Variants in EVI5 observed in about 807,000 individuals in gnomAD.
The protein encoded by EVI5 is ecotropic viral integration site 5 protein homolog.
EVI5 carries 73 observed loss-of-function variants against 112.0 expected under a neutral mutation model. The ratio of observed to expected loss-of-function variants is 0.65; its 90% CI spans 0.54 to 0.79. EVI5 has a LOEUF of 0.79. Ranked by LOEUF, EVI5 falls within the 30% of genes least tolerant of loss-of-function variation. The probability of loss-of-function intolerance (pLI) is 0.00; values close to 1 mark genes in which losing one functional copy is unlikely to be tolerated. For synonymous variants in EVI5, 305 were observed against 319.9 expected, an observed-to-expected ratio of 0.95 and a Z score of 0.50; for missense variants, 900 against 968.8, an observed-to-expected ratio of 0.93 and a Z score of 0.94.
chr1:92,630,385 T>C (rs934992025), intron 14 of EVI5, among the ~76,000 whole-genome samples: 5 of 152,342 alleles, frequency 3.3e-5, no homozygotes, highest in South Asian at 2.1e-4. Context: ...TGGTATCTCA[T>C]TGTGGTTTTG....
At position 92,512,554 on chromosome 1, in the gene EVI5, A is replaced by G. The variant is rs1445131271; in HGVS notation, c.*1102T>C. 6.6e-6 allele frequency: 1 copy of G among 152,220 alleles called. No homozygotes were observed. The highest frequency in any genetic ancestry group is 1.9e-4 in the East Asian group (1 of 5,200). 9.4% of individuals were successfully genotyped at this position (152,220 alleles called of 1,614,324 possible). A position where few individuals can be genotyped will look rare whatever the true frequency, so the allele number is the denominator to read the frequency against. On this transcript the variant is annotated 3_prime_UTR_variant, in exon 20 of 20. Coordinates refer to ENST00000684568, the MANE Select transcript of EVI5 (RefSeq NM_001350197.2). ...ATGCTGAAAGCAGTCATTTTGCAAC[A>G]TGTATGTTCTTCATATAAAATGATG...
Position 92,677,238 on chromosome 1 carries a change from G to A in EVI5, c.1098-20C>T, listed in dbSNP as rs1666903832. 2 of 1,350,914 alleles carry A rather than the reference G, an allele frequency of 1.5e-6. No homozygotes were observed. Among genetic ancestry groups the A allele is most frequent in the East Asian group, 2.3e-5 (1 of 42,916 alleles). The allele number at this position is 1,350,914 out of a possible 1,614,324, so 83.7% of individuals were successfully genotyped here. ...TCAAGCCTAAGAAAGGAAAAAAAAA[G>A]AGTTAAAGGTAATGTTTTCATTCAA... On this transcript the variant is annotated intron_variant, in intron 9 of 19. Coordinates refer to ENST00000684568, the MANE Select transcript of EVI5 (RefSeq NM_001350197.2).
chr1:92,561,582 T>C (rs1668557851), intron 19 of EVI5, among the ~76,000 whole-genome samples: 1 of 150,674 alleles, frequency 6.6e-6, no homozygotes, highest in South Asian at 2.1e-4. Context: ...TATCTATCTA[T>C]CTATCTATCT....
In EVI5 at chr1:92,625,951, T is replaced by C. The variant is rs202038233; in HGVS notation, c.1528-17A>G. On this transcript the variant is annotated splice_polypyrimidine_tract_variant and intron_variant, in intron 14 of 19. Coordinates refer to ENST00000684568, the MANE Select transcript of EVI5 (RefSeq NM_001350197.2). ...GTTATTCCTCTAAAGAAGAAGAAAATTTAATTTGGGATTTTTAAATTTAAG... is the reference window on the plus strand; with the variant it reads ...GTTATTCCTCTAAAGAAGAAGAAAACTTAATTTGGGATTTTTAAATTTAAG... The C allele has an allele frequency of 5.2e-5, 80 of 1,551,304 alleles. No individual in the cohort carries two copies. The highest frequency in any genetic ancestry group is 6.7e-5 in the Non-Finnish European group (76 of 1,129,016).
chr1:92,702,321 G>T, intron 4 of EVI5, 106 bp from the exon 5 acceptor site: 1 of 604,602 alleles, frequency 1.7e-6, no homozygotes, highest in Admixed American at 3.8e-5. Flanking sequence ...ATTTATTTTT[G>T]AGAAAAGCTC....
At chr1:92,681,090 T>C (rs771291601) in intron 9 of EVI5, among the ~76,000 whole-genome samples, 2 of 152,176 alleles carry the variant, frequency 1.3e-5, no homozygotes, top group Non-Finnish European at 2.9e-5. Context: ...ATAATAGTAT[T>C]GTATCTATTA....
intron 19 of EVI5, among the ~76,000 whole-genome samples, chr1:92,526,119 C>T (rs1661829291): frequency 1.3e-5 from 2 of 152,256 alleles, no homozygotes; most frequent in Non-Finnish European, 2.9e-5. Context: ...AGTGCAGTGG[C>T]ACTATCACAG....
intron 13 of EVI5, among the ~76,000 whole-genome samples, chr1:92,662,136 T>C (rs1352631982): frequency 6.6e-6 from 1 of 152,202 alleles, no homozygotes; most frequent in Non-Finnish European, 1.5e-5. Context: ...TTAATTAAGA[T>C]AATTTTTAAA....
intron 1 of EVI5, among the ~76,000 whole-genome samples, chr1:92,782,692 A>T (rs1685019415): frequency 6.6e-6 from 1 of 152,194 alleles, no homozygotes; most frequent in South Asian, 2.1e-4. Flanking sequence ...TTCTAATACT[A>T]GAGTTTTATC....
At chr1:92,556,673 A>G (rs1667730651) in intron 19 of EVI5, among the ~76,000 whole-genome samples, 1 of 152,238 alleles carries the variant, frequency 6.6e-6, no homozygotes, top group Non-Finnish European at 1.5e-5. Flanking sequence ...AAATGAGTAC[A>G]TGTATTAAAA....
chr1:92,747,508 G>A (rs1334079546), intron 1 of EVI5, among the ~76,000 whole-genome samples: 1 of 151,990 alleles, frequency 6.6e-6, no homozygotes, highest in Non-Finnish European at 1.5e-5. Context: ...GAGATCAGGA[G>A]TTTGAGACTA....
chr1:92,594,777 A>C (rs1429297671), intron 18 of EVI5, among the ~76,000 whole-genome samples: 2 of 150,108 alleles, frequency 1.3e-5, no homozygotes, highest in Non-Finnish European at 3.0e-5. Flanking sequence ...GACACTTCTC[A>C]AAAGAAGACA....
At chr1:92,647,908 C>G (rs1661270391) in intron 13 of EVI5, among the ~76,000 whole-genome samples, 2 of 151,740 alleles carry the variant, frequency 1.3e-5, no homozygotes, top group Admixed American at 1.3e-4. Flanking sequence ...CCATGCCCAG[C>G]TAAATTTTGT....
intron 2 of EVI5, among the ~76,000 whole-genome samples, chr1:92,720,836 A>G (rs571008899): frequency 2.6e-4 from 39 of 152,278 alleles, no homozygotes; most frequent in African/African-American, 9.1e-4. Flanking sequence ...CAAGAAAAAA[A>G]CAAACAACCC....
chr1:92,704,895 A>G (rs988149872), intron 2 of EVI5, 151 bp from the exon 3 acceptor site: 18 of 396,192 alleles, frequency 4.5e-5, no homozygotes, highest in Non-Finnish European at 5.3e-5. Context: ...TTTTGGTCAC[A>G]TCAATAAAAT....
chr1:92,603,438 C>T (rs180801345), intron 18 of EVI5, among the ~76,000 whole-genome samples: 1 of 152,224 alleles, frequency 6.6e-6, no homozygotes, highest in African/African-American at 2.4e-5. Flanking sequence ...AACATGGAAG[C>T]ACCCTAAATG....
intron 13 of EVI5, among the ~76,000 whole-genome samples, chr1:92,654,427 C>T (rs1186855208): frequency 2.6e-5 from 4 of 152,126 alleles, no homozygotes; most frequent in Non-Finnish European, 5.9e-5. Context: ...TTTGAGAAAA[C>T]CACCACACAA....
At chr1:92,530,425 G>A (rs1662668606) in intron 19 of EVI5, among the ~76,000 whole-genome samples, 1 of 152,086 alleles carries the variant, frequency 6.6e-6, no homozygotes, top group Admixed American at 6.5e-5. Context: ...CCAACACAGC[G>A]TTCGAGCTCT....
At chr1:92,611,412 A>G (rs1489044617) in intron 16 of EVI5, among the ~76,000 whole-genome samples, 1 of 151,984 alleles carries the variant, frequency 6.6e-6, no homozygotes, top group Admixed American at 6.6e-5. Context: ...TATTTTAAGA[A>G]AGTGGGCCGG....
Sources: allele counts gnomAD v4.1 joint callset (sites outside exome capture counted in the v4.1 genomes callset), GRCh38; gene constraint gnomAD v4.1.1; transcripts MANE v1.5; gene names NCBI Gene and HGNC (gene_info 2026-07-23, HGNC 2026-07-21).